ADGRL4: variants seen among roughly 807,000 people sequenced by gnomAD.
The protein encoded by ADGRL4 is EGF, latrophilin and seven transmembrane domain containing 1.
A neutral mutation model predicts 74.8 loss-of-function variants in ADGRL4; 90 were observed. That is an observed-to-expected ratio of 1.20 (90% CI 1.02 to 1.43). The LOEUF (loss-of-function observed/expected upper bound fraction) is 1.43. Ranked by LOEUF, ADGRL4 falls within the 40% of genes most tolerant of loss-of-function variation. The probability of loss-of-function intolerance (pLI) is 0.00; values close to 1 mark genes in which losing one functional copy is unlikely to be tolerated. For missense variants in ADGRL4, 881 were observed against 814.3 expected (o/e 1.08, Z -1.00); for synonymous variants, 311 against 279.2 (o/e 1.11, Z -1.14).
chr1:78,891,293 A>G lies in ADGRL4; in HGVS notation c.2011-77T>C. ...TAATTTCTTTTTCAAATCACAATAA[A>G]TTGTTACATATGGTTTTCTAAAGTA... On this transcript the variant is annotated intron_variant, in intron 14 of 14. Transcript: ENST00000370742. 2.1e-6 allele frequency: 3 copies of G among 1,430,188 alleles called. No individual in the cohort carries two copies. In the South Asian group the frequency reaches 3.9e-5, roughly 19 times the overall value. 88.6% of individuals were successfully genotyped at this position (1,430,188 alleles called of 1,614,324 possible).
intron 2 of ADGRL4, among the ~76,000 whole-genome samples, chr1:78,954,548 G>T (rs981187104): frequency 3.3e-5 from 5 of 152,114 alleles, no homozygotes; most frequent in Non-Finnish European, 7.4e-5. Context: ...CAGCACGTCA[G>T]ATTATGTTGC....
Position 78,893,140 on chromosome 1 carries a change from G to A in ADGRL4, c.1799C>T (p.Thr600Ile), listed in dbSNP as rs1648323743. The A allele has an allele frequency of 1.9e-6, 3 of 1,603,582 alleles. No homozygotes were observed. Among genetic ancestry groups the A allele is most frequent in the Non-Finnish European group, 2.6e-6 (3 of 1,176,088 alleles). ...GVIIYKVFRH[T>I]AGLKPEVSCF... ...ACTAACTTCTGGTTTCAACCCTGCA[G>A]TGTGACGAAAAACTTTGTATATGAT... is the stretch of plus-strand genomic sequence containing the variant. The change falls in exon 13 of 15, where the codon ACT becomes ATT. Residue 600 changes from threonine (T) to isoleucine (I), a missense_variant. Physicochemically the swap from Thr to Ile is moderately conservative, Grantham distance 89. Coordinates refer to ENST00000370742, the MANE Select transcript of ADGRL4 (RefSeq NM_022159.4).
At chr1:78,979,991 C>T (rs192708940) in intron 2 of ADGRL4, among the ~76,000 whole-genome samples, 371 of 151,920 alleles carry the variant, frequency 2.4e-3, no homozygotes, top group African/African-American at 8.3e-3. Flanking sequence ...TGCTAAAGAA[C>T]GTATCCACGG....
rs778700955 is a variant in ADGRL4, at chr1:78,917,933, C to T, written c.1579G>A (p.Gly527Arg). The part of the protein sequence containing the change: ...LIVVGVIYNK[G>R]FLHKNFYIFG... ...ATATAAAAATTCTTGTGCAAAAATCCCTTGTTGTAGATGACACCCACAACA... is the reference window on the plus strand; with the variant it reads ...ATATAAAAATTCTTGTGCAAAAATCTCTTGTTGTAGATGACACCCACAACA... The change falls in exon 11 of 15, where the codon GGA becomes AGA. Residue 527 changes from glycine to arginine, a missense_variant. Coordinates refer to ENST00000370742, the MANE Select transcript of ADGRL4 (RefSeq NM_022159.4). 1.9e-6 allele frequency: 3 copies of T among 1,612,468 alleles called. No individual in the cohort carries two copies. The African/African-American group carries it at 4.0e-5, about 22-fold the overall frequency.
At chr1:78,928,389 G>T (rs115689572) in intron 7 of ADGRL4, among the ~76,000 whole-genome samples, 4,589 of 151,230 alleles carry the variant, frequency 0.03, 133 homozygotes, top group South Asian at 0.053. Flanking sequence ...ACTAATTTGA[G>T]GCTTGATCTA....
At position 78,914,826 on chromosome 1, in the gene ADGRL4, C is replaced by T. The variant is rs1044358425; in HGVS notation, c.1749+2808G>A. 8.6e-5 allele frequency among the ~76,000 whole-genome samples: 13 copies of T among 151,700 alleles called. 1 individual carries two copies. The highest frequency in any genetic ancestry group is 2.4e-4 in the African/African-American group (10 of 41,344). ...CTACTGCTAGGGATCCACAACTCTG[C>T]GCTTGGAGGGTAGAAGGATCTGACC... On this transcript the variant is annotated intron_variant, in intron 12 of 14. Coordinates refer to ENST00000370742, the MANE Select transcript of ADGRL4 (RefSeq NM_022159.4).
chr1:78,995,952 G>A (rs1250577342), intron 2 of ADGRL4, among the ~76,000 whole-genome samples: 2 of 152,032 alleles, frequency 1.3e-5, no homozygotes, highest in Non-Finnish European at 2.9e-5. Flanking sequence ...TGTAACGATG[G>A]GTTTTGGTTG....
At chr1:78,923,779 T>A (rs996281261) in intron 8 of ADGRL4, among the ~76,000 whole-genome samples, 2 of 151,596 alleles carry the variant, frequency 1.3e-5, no homozygotes, top group Non-Finnish European at 2.9e-5. Context: ...ATAAAAAATA[T>A]TAGGAGAAAA....
rs781657695 is a variant in ADGRL4, at chr1:78,937,795, C to T, written c.760+12G>A. ...AAACACAATTACTTTTAAATGGACC[C>T]TTGTTTCTTACCTATATCCGTTGAA... is the stretch of plus-strand genomic sequence containing the variant. On this transcript the variant is annotated intron_variant, in intron 6 of 14. Coordinates refer to ENST00000370742, the MANE Select transcript of ADGRL4 (RefSeq NM_022159.4). 2.2e-5 allele frequency: 35 copies of T among 1,594,724 alleles called. No homozygotes were observed. Among genetic ancestry groups the T allele is most frequent in the Non-Finnish European group, 2.6e-5 (31 of 1,174,484 alleles).
intron 7 of ADGRL4, among the ~76,000 whole-genome samples, chr1:78,931,636 A>G (rs7517878): frequency 0.6 from 91,198 of 150,772 alleles, 28,360 homozygotes; most frequent in East Asian, 0.7. Flanking sequence ...ACAGACTGGC[A>G]AATTGGATAA....
At chr1:78,914,031 T>A (rs1367513903) in intron 12 of ADGRL4, among the ~76,000 whole-genome samples, 1 of 151,872 alleles carries the variant, frequency 6.6e-6, no homozygotes, top group African/African-American at 2.4e-5. Flanking sequence ...TCAGTTGATG[T>A]CTGGTATTGC....
Position 78,917,683 on chromosome 1 carries a change from T to A in ADGRL4, c.1700A>T (p.Glu567Val). 2 of 1,608,438 alleles carry A rather than the reference T, an allele frequency of 1.2e-6. No homozygotes were observed. The highest frequency in any genetic ancestry group is 1.7e-6 in the Non-Finnish European group (2 of 1,177,176). ...GTTKVCWLST[E>V]NNFIWSFIGP... ...TATAAAACTCCAAATAAAGTTGTTT[T>A]CGGTGCTAAGCCAACATCTGAAAAG... Residue 567 changes from glutamate to valine, a missense_variant, in exon 12 of 15, where the codon GAA (glutamate) becomes GTA (valine). Physicochemically the swap from Glu to Val is moderately radical, Grantham distance 121. Transcript: ENST00000370742.
At chr1:78,948,841 T>C (rs1557509054) in intron 2 of ADGRL4, among the ~76,000 whole-genome samples, 1 of 152,206 alleles carries the variant, frequency 6.6e-6, no homozygotes, top group East Asian at 1.9e-4. Flanking sequence ...TTATGGAGTC[T>C]CCCAGTTCTC....
At chr1:78,976,459 T>C (rs918238248) in intron 2 of ADGRL4, among the ~76,000 whole-genome samples, 1 of 151,880 alleles carries the variant, frequency 6.6e-6, no homozygotes, top group Non-Finnish European at 1.5e-5. Context: ...AAAAAAATCC[T>C]CTATAAAGTC....
At chr1:78,909,838 T>G (rs1234832027) in intron 12 of ADGRL4, among the ~76,000 whole-genome samples, 1 of 152,012 alleles carries the variant, frequency 6.6e-6, no homozygotes, top group African/African-American at 2.4e-5. Flanking sequence ...TATATTGGAA[T>G]AAAGATTCTC....
At chr1:78,895,020 C>T (rs542052884) in intron 12 of ADGRL4, among the ~76,000 whole-genome samples, 1 of 152,020 alleles carries the variant, frequency 6.6e-6, no homozygotes, top group East Asian at 1.9e-4. Context: ...GGAACATTCC[C>T]TGAGGTGATC....
chr1:78,926,918 C>T lies in ADGRL4; in HGVS notation c.1051G>A (p.Glu351Lys). The change falls in exon 8 of 15, where the codon GAA (glutamate) becomes AAA (lysine). Residue 351 changes from glutamate (E) to lysine (K), a missense_variant. Physicochemically the swap from Glu to Lys is moderately conservative, Grantham distance 56. Transcript: ENST00000370742. ...SSNPPTLYEL[E>K]KITFTLSHRK... ...TGACTTAATGTAAATGTTATTTTTTCAAGTTCATATAATGTGGGTGGGTTT... is the reference window on the plus strand; with the variant it reads ...TGACTTAATGTAAATGTTATTTTTTTAAGTTCATATAATGTGGGTGGGTTT... 1 of 1,610,600 alleles carries T rather than the reference C, an allele frequency of 6.2e-7. No homozygotes were observed. The highest frequency in any genetic ancestry group is 8.5e-7 in the Non-Finnish European group (1 of 1,178,330).
intron 2 of ADGRL4, among the ~76,000 whole-genome samples, chr1:78,959,908 C>T (rs1352285278): frequency 6.6e-6 from 1 of 152,038 alleles, no homozygotes; most frequent in Non-Finnish European, 1.5e-5. Flanking sequence ...AAGTTATATA[C>T]AAGAATATTC....
chr1:78,998,795 A>G (rs2100740977), intron 2 of ADGRL4, among the ~76,000 whole-genome samples: 1 of 152,256 alleles, frequency 6.6e-6, no homozygotes. Context: ...TTTATTTGCA[A>G]ACCTACACCA....
Sources: allele counts gnomAD v4.1 joint callset (sites outside exome capture counted in the v4.1 genomes callset), GRCh38; gene constraint gnomAD v4.1.1; transcripts MANE v1.5; gene names NCBI Gene and HGNC (gene_info 2026-07-23, HGNC 2026-07-21).